Variants in PTPRD observed in about 807,000 individuals in gnomAD.
PTPRD encodes protein tyrosine phosphatase receptor type D.
A neutral mutation model predicts 214.5 loss-of-function variants in PTPRD; 34 were observed. The ratio of observed to expected loss-of-function variants is 0.16; its 90% CI spans 0.12 to 0.21. The LOEUF (loss-of-function observed/expected upper bound fraction) is 0.21. Ranked by LOEUF, PTPRD falls within the 10% of genes least tolerant of loss-of-function variation. PTPRD has a pLI of 1.00. For missense variants in PTPRD, 2,545 were observed against 2,398.7 expected, an observed-to-expected ratio of 1.06 and a Z score of -1.27; for synonymous variants, 1,128 against 845.7, an observed-to-expected ratio of 1.33 and a Z score of -5.79.
chr9:10,473,598 A>G lies in PTPRD; in HGVS notation c.-599-132581T>C, dbSNP rs561178657. Among the ~76,000 whole-genome samples, 358 of 152,220 alleles carry G rather than the reference A, an allele frequency of 2.4e-3. 1 individual carries two copies. The highest frequency in any genetic ancestry group is 6.8e-3 in the Middle Eastern group (2 of 294). ...TAAATTTACTCATTTTGTAACTAAA[A>G]TACCAAATGTTGATTTTTGAGTAGG... On this transcript the variant is annotated intron_variant, in intron 2 of 45. Transcript: ENST00000381196.
intron 4 of PTPRD, among the ~76,000 whole-genome samples, chr9:9,985,357 T>C (rs1421114524): frequency 3.3e-5 from 5 of 152,236 alleles, no homozygotes; most frequent in Non-Finnish European, 5.9e-5. Context: ...CAATACACAA[T>C]ACAGTTAAGT....
intron 12 of PTPRD, among the ~76,000 whole-genome samples, chr9:8,694,737 T>C (rs955138467): frequency 4.6e-5 from 7 of 152,224 alleles, no homozygotes; most frequent in Non-Finnish European, 7.3e-5. Context: ...ATACCTATTA[T>C]TCATGGGTGT....
At chr9:10,153,548 T>G (rs2099075037) in intron 3 of PTPRD, among the ~76,000 whole-genome samples, 1 of 151,604 alleles carries the variant, frequency 6.6e-6, no homozygotes, top group South Asian at 2.1e-4. Flanking sequence ...AATCACAATT[T>G]TTTAAACTTT....
At chr9:8,934,962 G>A (rs1323980629) in intron 11 of PTPRD, among the ~76,000 whole-genome samples, 1 of 151,826 alleles carries the variant, frequency 6.6e-6, no homozygotes, top group Non-Finnish European at 1.5e-5. Context: ...TTTTAAAGCT[G>A]AATAATATTC....
chr9:9,905,018 G>A (rs763508895), intron 5 of PTPRD, among the ~76,000 whole-genome samples: 1 of 151,884 alleles, frequency 6.6e-6, no homozygotes, highest in Non-Finnish European at 1.5e-5. Context: ...AATCAGTGAG[G>A]CATATATTAT....
chr9:9,032,521 C>G (rs1417011528), intron 10 of PTPRD, among the ~76,000 whole-genome samples: 1 of 151,914 alleles, frequency 6.6e-6, no homozygotes, highest in African/African-American at 2.4e-5. Flanking sequence ...AAATTAATGC[C>G]TCTCCCTCCC....
intron 2 of PTPRD, among the ~76,000 whole-genome samples, chr9:10,363,363 G>C (rs1346514884): frequency 6.6e-6 from 1 of 152,138 alleles, no homozygotes; most frequent in Non-Finnish European, 1.5e-5. Context: ...GTTATAATAA[G>C]AAATAGTAAA....
At chr9:10,047,312 CTGTGTGTG>C (rs56257525) in intron 3 of PTPRD, among the ~76,000 whole-genome samples, 13 of 138,716 alleles carry the variant, frequency 9.4e-5, no homozygotes, top group Non-Finnish European at 1.2e-4. Context: ...AATCAACTAA[CTGTGTGTG>C]TGTGTGTGTG....
At chr9:8,498,729 T>C (rs931057702) in intron 25 of PTPRD, among the ~76,000 whole-genome samples, 2 of 152,188 alleles carry the variant, frequency 1.3e-5, no homozygotes, top group Non-Finnish European at 2.9e-5. Flanking sequence ...CCTATCCCCA[T>C]GACATCTCAT....
At chr9:9,254,841 G>C (rs2099977037) in intron 9 of PTPRD, among the ~76,000 whole-genome samples, 1 of 151,966 alleles carries the variant, frequency 6.6e-6, no homozygotes. Flanking sequence ...TCCAGTTGTA[G>C]GATACCAAGC....
At chr9:9,702,099 A>T (rs975893700) in intron 7 of PTPRD, among the ~76,000 whole-genome samples, 7 of 152,086 alleles carry the variant, frequency 4.6e-5, no homozygotes, top group African/African-American at 1.2e-4. Flanking sequence ...CAGCCTGGGC[A>T]ACAGAGCAAG....
At chr9:9,826,696 T>A (rs1162440838) in intron 5 of PTPRD, among the ~76,000 whole-genome samples, 1 of 151,934 alleles carries the variant, frequency 6.6e-6, no homozygotes, top group East Asian at 1.9e-4. Flanking sequence ...AACACTTTTT[T>A]AAAAAGATCT....
chr9:9,309,786 A>G lies in PTPRD; in HGVS notation c.-203+87663T>C, dbSNP rs570515765. On this transcript the variant is annotated intron_variant, in intron 9 of 45. Transcript: ENST00000381196. ...CATCTTAGGTAGTAAGAATTTCACT[A>G]TCGTATTTGTTAAAATTAGAATTTC... Among the ~76,000 whole-genome samples, 16 of 152,318 alleles carry G rather than the reference A, an allele frequency of 1.1e-4. No homozygotes were observed. In the South Asian group the frequency reaches 2.7e-3, roughly 26 times the overall value.
At chr9:8,415,920 T>C (rs910330856) in intron 35 of PTPRD, among the ~76,000 whole-genome samples, 7 of 152,082 alleles carry the variant, frequency 4.6e-5, no homozygotes, top group Non-Finnish European at 7.4e-5. Context: ...AAAGTGACCA[T>C]ATCAAGGTAT....
chr9:10,139,102 A>G (rs1244205723), intron 3 of PTPRD, among the ~76,000 whole-genome samples: 1 of 152,124 alleles, frequency 6.6e-6, no homozygotes, highest in Non-Finnish European at 1.5e-5. Flanking sequence ...AAGTCAAACT[A>G]TCTTTCTTCG....
chr9:9,062,641 G>A (rs1032349748), intron 10 of PTPRD, among the ~76,000 whole-genome samples: 3 of 152,160 alleles, frequency 2.0e-5, no homozygotes, highest in African/African-American at 7.2e-5. Flanking sequence ...AAATTTAGCT[G>A]ATTAAGCAGG....
intron 3 of PTPRD, among the ~76,000 whole-genome samples, chr9:10,168,321 T>C (rs935780156): frequency 5.3e-5 from 8 of 151,994 alleles, no homozygotes; most frequent in African/African-American, 1.4e-4. Flanking sequence ...AGATCTGCTA[T>C]TACTAATTTG....
intron 3 of PTPRD, among the ~76,000 whole-genome samples, chr9:10,309,697 A>G (rs1242478210): frequency 6.6e-6 from 1 of 151,790 alleles, no homozygotes; most frequent in African/African-American, 2.4e-5. Flanking sequence ...CAGTTTCTTC[A>G]TCTTTTTCAC....
intron 9 of PTPRD, among the ~76,000 whole-genome samples, chr9:9,353,562 T>C (rs1309323611): frequency 6.6e-6 from 1 of 151,754 alleles, no homozygotes; most frequent in African/African-American, 2.4e-5. Context: ...CTTAATTTCT[T>C]TTTTCTATTC....
Sources: gnomAD v4.1 joint callset for allele counts (sites outside exome capture counted in the v4.1 genomes callset) on GRCh38, gnomAD v4.1.1 for gene constraint, MANE v1.5 for transcripts, NCBI Gene and HGNC (gene_info 2026-07-23, HGNC 2026-07-21) for gene names.